PPP3CC: variants seen among roughly 807,000 people sequenced by gnomAD.
PPP3CC encodes the protein protein phosphatase 3 catalytic subunit gamma.
In PPP3CC, 35 loss-of-function variants were observed where a neutral mutation model predicts 60.3. That is an observed-to-expected ratio of 0.58 (90% CI 0.44 to 0.77). The LOEUF is 0.77. PPP3CC is among the 30% of genes least tolerant of loss of function. PPP3CC has a pLI of 0.00. For missense variants in PPP3CC, 570 were observed against 628.9 expected (o/e 0.91, Z 1.00); for synonymous variants, 206 against 224.3 (o/e 0.92, Z 0.73).
rs1839076503 is a variant in PPP3CC, at chr8:22,511,205, A to G, written c.604A>G (p.Ile202Val). The G allele has an allele frequency of 1.9e-6, 3 of 1,613,306 alleles. No individual in the cohort carries two copies. The highest frequency in any genetic ancestry group is 3.3e-5 in the Admixed American group (2 of 59,994). ...LCVHGGMSPE[I>V]TSLDDIRKLD... ...TGTACATGGAGGAATGTCACCTGAA[A>G]TTACTTCTTTAGATGACATTAGGAA... Residue 202 changes from isoleucine (I) to valine (V), a missense_variant, in exon 5 of 14, where the codon ATT (isoleucine) becomes GTT (valine). Coordinates refer to ENST00000240139, the MANE Select transcript of PPP3CC (RefSeq NM_005605.5).
At chr8:22,478,327 T>C (rs1837960459) in intron 3 of PPP3CC, among the ~76,000 whole-genome samples, 1 of 151,084 alleles carries the variant, frequency 6.6e-6, no homozygotes, top group Non-Finnish European at 1.5e-5. Context: ...AATTTCTGTA[T>C]TTTTAGTAGA....
intron 3 of PPP3CC, among the ~76,000 whole-genome samples, chr8:22,486,238 A>G (rs1458708305): frequency 2.0e-5 from 3 of 152,148 alleles, no homozygotes; most frequent in Non-Finnish European, 4.4e-5. Context: ...CTTACAAACA[A>G]TATCTCTATT....
chr8:22,475,798 T>A, intron 3 of PPP3CC, 174 bp downstream of exon 3: 1 of 647,100 alleles, frequency 1.5e-6, no homozygotes, highest in South Asian at 2.9e-5. Flanking sequence ...ATTCCTTTTT[T>A]AAAACCAGTC....
chr8:22,538,081 A>G (rs1839882942), intron 12 of PPP3CC, among the ~76,000 whole-genome samples: 4 of 152,328 alleles, frequency 2.6e-5, no homozygotes, highest in South Asian at 2.1e-4. Context: ...TAAGATGTTA[A>G]AAAGGAAAAC....
chr8:22,502,814 G>A (rs1265700968), intron 4 of PPP3CC, among the ~76,000 whole-genome samples: 2 of 152,156 alleles, frequency 1.3e-5, no homozygotes, highest in African/African-American at 2.4e-5. Context: ...AATATATAAT[G>A]TACAGAAGAA....
intron 3 of PPP3CC, chr8:22,492,665 C>G: frequency 1.4e-6 from 1 of 723,326 alleles, no homozygotes. Flanking sequence ...ACTGCAGGCA[C>G]AAGTGCGCAT....
intron 10 of PPP3CC, 72 bp downstream of exon 10, chr8:22,528,649 T>G (rs1482731453): frequency 2.7e-6 from 3 of 1,112,840 alleles, no homozygotes; most frequent in Non-Finnish European, 3.8e-6. Flanking sequence ...TAGTTTATTT[T>G]GAATGATTTT....
intron 3 of PPP3CC, among the ~76,000 whole-genome samples, chr8:22,486,117 T>C (rs1838216518): frequency 6.6e-6 from 1 of 152,244 alleles, no homozygotes; most frequent in African/African-American, 2.4e-5. Flanking sequence ...ATGATCAACT[T>C]TCACAGTAGT....
intron 3 of PPP3CC, among the ~76,000 whole-genome samples, chr8:22,496,278 A>G (rs898445611): frequency 1.3e-4 from 19 of 151,804 alleles, no homozygotes; most frequent in African/African-American, 3.4e-4. Flanking sequence ...TGTTTTGATT[A>G]TAGACATTTT....
chr8:22,505,174 G>A (rs1179738944), intron 4 of PPP3CC, among the ~76,000 whole-genome samples: 5 of 151,696 alleles, frequency 3.3e-5, no homozygotes, highest in African/African-American at 7.3e-5. Context: ...TTACAGGCAC[G>A]CACCACCACG....
At chr8:22,529,200 T>C (rs148487707) in intron 10 of PPP3CC, among the ~76,000 whole-genome samples, 1 of 152,332 alleles carries the variant, frequency 6.6e-6, no homozygotes, top group East Asian at 1.9e-4. Flanking sequence ...TTCCATAGGA[T>C]GAATTTGTAG....
At position 22,532,969 on chromosome 8, in the gene PPP3CC, C is replaced by A; in HGVS notation, c.1272C>A (p.Gly424=). 1 of 1,606,214 alleles carries A rather than the reference C, an allele frequency of 6.2e-7. No homozygotes were observed. Among genetic ancestry groups the A allele is most frequent in the Admixed American group, 1.7e-5 (1 of 59,200 alleles). The part of the protein sequence containing the change: ...VLTLKGLTPT[G]TLPLGVLSGG... ...CTCTCAAGGGCCTGACTCCCACAGG[C>A]ACACTCCCTCTGGGCGTCCTCTCAG... The change falls in exon 12 of 14, where the codon GGC becomes GGA. Residue 424 remains glycine (G), a synonymous_variant. Coordinates refer to ENST00000240139, the MANE Select transcript of PPP3CC (RefSeq NM_005605.5).
intron 3 of PPP3CC, chr8:22,492,579 C>G (rs1225751298): frequency 6.4e-6 from 3 of 466,746 alleles, no homozygotes; most frequent in African/African-American, 5.9e-5. Flanking sequence ...AGCACCAACC[C>G]TAGCCCCCCA....
rs530399333 is a variant in PPP3CC, at chr8:22,472,707, T to C, written c.50-2247T>C. Among the ~76,000 whole-genome samples the C allele has an allele frequency of 6.6e-5, 10 of 152,326 alleles. 1 individual carries two copies. The South Asian group carries it at 2.1e-3, about 32-fold the overall frequency. On this transcript the variant is annotated intron_variant, in intron 1 of 13. Transcript: ENST00000240139. ...TCCTGTGTATTAATGAAAACCTTTC[T>C]GTTTTTGGGGGTCCATGTTTTCACA...
intron 3 of PPP3CC, 85 bp downstream of exon 3, chr8:22,475,709 T>C (rs777805994): frequency 3.1e-6 from 4 of 1,299,004 alleles, no homozygotes; most frequent in East Asian, 2.6e-5. Flanking sequence ...GAAATTAAAA[T>C]GAGAACTCTG....
intron 1 of PPP3CC, among the ~76,000 whole-genome samples, chr8:22,443,519 TA>T (rs5890033): frequency 0.52 from 54,125 of 103,646 alleles, 11,875 homozygotes; most frequent in East Asian, 0.67. Flanking sequence ...AAACTCTCTC[TA>T]AAAAAAAAAA....
chr8:22,492,699 G>A (rs1838444100), intron 3 of PPP3CC: 2 of 920,388 alleles, frequency 2.2e-6, no homozygotes. Flanking sequence ...ATGGTTCACA[G>A]AAAGAAGAAG....
intron 1 of PPP3CC, among the ~76,000 whole-genome samples, chr8:22,470,546 C>A (rs1837691356): frequency 6.6e-6 from 1 of 152,048 alleles, no homozygotes; most frequent in Admixed American, 6.6e-5. Context: ...CCAGAACATA[C>A]AAGAACTTTC....
rs1490831569 is a variant in PPP3CC at position 22,484,612 on chromosome 8, T to G, written c.372+8988T>G. ...TAAACTGGATTCGACACAGAATAGT[T>G]AATTGTGGAAATATGACTGAATTAT... On this transcript the variant is annotated intron_variant, in intron 3 of 13. Coordinates refer to ENST00000240139, the MANE Select transcript of PPP3CC (RefSeq NM_005605.5). 6.6e-5 allele frequency among the ~76,000 whole-genome samples: 10 copies of G among 152,256 alleles called. No homozygotes were observed. The South Asian group carries it at 1.7e-3, about 25-fold the overall frequency.
Sources: allele counts gnomAD v4.1 joint callset (sites outside exome capture counted in the v4.1 genomes callset), GRCh38; gene constraint gnomAD v4.1.1; transcripts MANE v1.5; gene names NCBI Gene and HGNC (gene_info 2026-07-23, HGNC 2026-07-21).